Variants in NAALADL2 observed in about 807,000 individuals in gnomAD.
NAALADL2 encodes the protein inactive N-acetylated-alpha-linked acidic dipeptidase-like protein 2.
NAALADL2 carries 76 observed loss-of-function variants against 87.2 expected under a neutral mutation model. The observed-to-expected ratio is 0.87, with a 90% confidence interval of 0.72 to 1.05. The LOEUF is 1.05. NAALADL2 is among the 50% of genes least tolerant of loss of function. The pLI, the probability that NAALADL2 is intolerant of heterozygous loss-of-function variation, is 0.00. For missense variants in NAALADL2, 1,089 were observed against 945.8 expected, an observed-to-expected ratio of 1.15 and a Z score of -1.99; for synonymous variants, 354 against 331.0, an observed-to-expected ratio of 1.07 and a Z score of -0.75.
chr3:175,180,713 T>C (rs527907821), intron 2 of NAALADL2, among the ~76,000 whole-genome samples: 2 of 151,058 alleles, frequency 1.3e-5, no homozygotes, highest in African/African-American at 4.8e-5. Context: ...ATATCATTAG[T>C]TATTTTAAAT....
At chr3:175,126,617 T>C (rs1044937085) in intron 2 of NAALADL2, among the ~76,000 whole-genome samples, 4 of 152,156 alleles carry the variant, frequency 2.6e-5, no homozygotes, top group African/African-American at 9.7e-5. Flanking sequence ...TGGAGAGCTT[T>C]ATTGTCACCA....
At chr3:174,563,230 A>G (rs1270375885) in intron 2 of NAALADL2, among the ~76,000 whole-genome samples, 1 of 151,782 alleles carries the variant, frequency 6.6e-6, no homozygotes, top group African/African-American at 2.4e-5. Context: ...GCTGTCTATT[A>G]AATATATCTT....
intron 4 of NAALADL2, among the ~76,000 whole-genome samples, chr3:175,298,137 T>C (rs893488964): frequency 2.6e-5 from 4 of 152,186 alleles, no homozygotes; most frequent in African/African-American, 7.2e-5. Context: ...AATACTCATA[T>C]TTAATGAATG....
rs556886824 is a variant in NAALADL2 at position 174,944,519 on chromosome 3, C to T, written c.43+85069C>T. On this transcript the variant is annotated intron_variant, in intron 1 of 13. Transcript: ENST00000454872. ...AAGCCAGTCTTATCCTGTGAGGTGC[C>T]ATGGAAGTATGGCCTGCAGACTGTC... Among the ~76,000 whole-genome samples, 564 of 152,270 alleles carry T rather than the reference C, an allele frequency of 3.7e-3. 1 individual carries two copies. Among genetic ancestry groups the T allele is most frequent in the Non-Finnish European group, 6.5e-3 (442 of 68,006 alleles).
intron 3 of NAALADL2, among the ~76,000 whole-genome samples, chr3:174,824,698 C>G (rs913877374): frequency 1.3e-5 from 2 of 152,128 alleles, no homozygotes; most frequent in African/African-American, 4.8e-5. Flanking sequence ...AGTGAACCAC[C>G]TAGCGATTAT....
chr3:175,455,988 T>C (rs746842498), intron 6 of NAALADL2, among the ~76,000 whole-genome samples: 18 of 152,052 alleles, frequency 1.2e-4, no homozygotes, highest in Non-Finnish European at 2.6e-4. Flanking sequence ...CCTAGGAAAC[T>C]AACAAATGCT....
chr3:175,652,986 T>C (rs1225690243), intron 11 of NAALADL2, among the ~76,000 whole-genome samples: 1 of 152,162 alleles, frequency 6.6e-6, no homozygotes, highest in African/African-American at 2.4e-5. Flanking sequence ...ACATATTTTG[T>C]ATGTTATATG....
At chr3:174,526,189 T>C (rs1720729359) in intron 1 of NAALADL2, among the ~76,000 whole-genome samples, 2 of 152,312 alleles carry the variant, frequency 1.3e-5, no homozygotes, top group South Asian at 4.1e-4. Flanking sequence ...CCTCCCACTT[T>C]CGTTTCATCA....
intron 2 of NAALADL2, among the ~76,000 whole-genome samples, chr3:174,706,997 C>T (rs999972177): frequency 4.1e-4 from 62 of 152,242 alleles, no homozygotes; most frequent in African/African-American, 1.4e-3. Context: ...TATGAACAGA[C>T]ACTTCTCAAA....
intron 3 of NAALADL2, among the ~76,000 whole-genome samples, chr3:174,748,342 T>TTA (rs1553846428): frequency 0.015 from 2,260 of 149,544 alleles, 63 homozygotes; most frequent in African/African-American, 0.05. Flanking sequence ...TTTTTTTTTT[T>TTA]AAAAAGAGGC....
intron 11 of NAALADL2, among the ~76,000 whole-genome samples, chr3:175,683,370 G>T (rs1314546417): frequency 6.6e-6 from 1 of 151,876 alleles, no homozygotes; most frequent in Admixed American, 6.6e-5. Flanking sequence ...AAAAATTAAG[G>T]TTGTGAGGTG....
At chr3:174,736,516 C>T (rs1384593557) in intron 2 of NAALADL2, among the ~76,000 whole-genome samples, 3 of 152,066 alleles carry the variant, frequency 2.0e-5, no homozygotes, top group Non-Finnish European at 4.4e-5. Flanking sequence ...AGCTGGTTGT[C>T]CCATCATCTC....
chr3:174,718,843 T>A (rs1484123665), intron 2 of NAALADL2, among the ~76,000 whole-genome samples: 2 of 152,160 alleles, frequency 1.3e-5, no homozygotes, highest in Admixed American at 1.3e-4. Context: ...GGCAATAGTA[T>A]TAAATAAGTC....
At chr3:174,816,567 T>C (rs1039146651) in intron 3 of NAALADL2, among the ~76,000 whole-genome samples, 1 of 149,270 alleles carries the variant, frequency 6.7e-6, no homozygotes, top group African/African-American at 2.4e-5. Flanking sequence ...TTATGTAACA[T>C]ATATATAAAT....
At chr3:174,567,254 CA>C (rs1329437626) in intron 2 of NAALADL2, among the ~76,000 whole-genome samples, 2 of 151,306 alleles carry the variant, frequency 1.3e-5, no homozygotes, top group Non-Finnish European at 3.0e-5. Flanking sequence ...ATAATGTGTA[CA>C]TATATACATA....
chr3:174,944,369 C>G (rs1739084466), intron 1 of NAALADL2, among the ~76,000 whole-genome samples: 1 of 152,150 alleles, frequency 6.6e-6, no homozygotes, highest in African/African-American at 2.4e-5. Context: ...TCAGCTTGAA[C>G]TCTCCAAAAG....
intron 2 of NAALADL2, among the ~76,000 whole-genome samples, chr3:175,131,622 A>G (rs1269117854): frequency 6.6e-6 from 1 of 152,088 alleles, no homozygotes; most frequent in African/African-American, 2.4e-5. Context: ...CAAAACCGCC[A>G]TTGTCATCCT....
chr3:174,790,453 C>T (rs1428443756), intron 3 of NAALADL2, among the ~76,000 whole-genome samples: 2 of 151,920 alleles, frequency 1.3e-5, no homozygotes, highest in South Asian at 2.1e-4. Context: ...AGTTCGAGAC[C>T]AGCCTGGCCA....
chr3:174,987,547 C>A (rs1219413612), intron 1 of NAALADL2, among the ~76,000 whole-genome samples: 2 of 101,284 alleles, frequency 2.0e-5, no homozygotes, highest in African/African-American at 4.5e-5. Flanking sequence ...CCAGCCTGGG[C>A]GACAGAGCGA....
Sources: gnomAD v4.1 joint callset for allele counts (sites outside exome capture counted in the v4.1 genomes callset) on GRCh38, gnomAD v4.1.1 for gene constraint, MANE v1.5 for transcripts, NCBI Gene and HGNC (gene_info 2026-07-23, HGNC 2026-07-21) for gene names.